The following CNTNAP2 variants were observed in gnomAD, a reference collection of about 807,000 sequenced individuals.
The protein encoded by CNTNAP2 is contactin associated protein 2, also known as contactin-associated protein-like 2.
In CNTNAP2, 98 loss-of-function variants were observed where a neutral mutation model predicts 155.2. The ratio of observed to expected loss-of-function variants is 0.63; its 90% confidence interval spans 0.54 to 0.75. CNTNAP2 has a LOEUF of 0.75. Among genes scored for constraint, CNTNAP2 ranks in the 30% least tolerant of loss-of-function variants. The pLI is 0.00. For missense variants in CNTNAP2, 1,727 were observed against 1,688.1 expected, an observed-to-expected ratio of 1.02 and a Z score of -0.40; for synonymous variants, 651 against 631.2, an observed-to-expected ratio of 1.03 and a Z score of -0.47.
chr7:146,469,526 T>TC (rs1204859918), intron 1 of CNTNAP2, among the ~76,000 whole-genome samples: 5 of 116,526 alleles, frequency 4.3e-5, no homozygotes, highest in Admixed American at 3.8e-4. Context: ...GACTTTTTTT[T>TC]TTTTTTTTTT....
intron 21 of CNTNAP2, among the ~76,000 whole-genome samples, chr7:148,301,919 G>A (rs1313280068): frequency 6.6e-6 from 1 of 152,216 alleles, no homozygotes; most frequent in Non-Finnish European, 1.5e-5. Context: ...CCACAAACTG[G>A]CCCTATAGCC....
In CNTNAP2 at chr7:147,977,978, G is replaced by A. The variant is rs1801459925; in HGVS notation, c.2372G>A (p.Cys791Tyr). 2 of 1,614,042 alleles carry A rather than the reference G, an allele frequency of 1.2e-6. No homozygotes were observed. Among genetic ancestry groups the A allele is most frequent in the Non-Finnish European group, 1.7e-6 (2 of 1,179,978 alleles). Residue 791 changes from cysteine to tyrosine, a missense_variant, in exon 15 of 24, where the codon TGC (cysteine) becomes TAC (tyrosine). By Grantham distance (194) the Cys-to-Tyr change is radical (BLOSUM62 -2). Coordinates refer to ENST00000361727, the MANE Select transcript of CNTNAP2 (RefSeq NM_014141.6). Reference sequence around the variant, plus strand: ...AAATTGAGCGTAGGTCCTCTGCGCTGCCAAGGAGACAGTAAGTTTGCATAG... The same window carrying A: ...AAATTGAGCGTAGGTCCTCTGCGCTACCAAGGAGACAGTAAGTTTGCATAG... ...EAKLSVGPLR[C>Y]QGDRNYWNAA...
intron 14 of CNTNAP2, among the ~76,000 whole-genome samples, chr7:147,953,941 A>G (rs1800978566): frequency 6.6e-6 from 1 of 152,188 alleles, no homozygotes; most frequent in Non-Finnish European, 1.5e-5. Flanking sequence ...TGCAAAGGTC[A>G]TATCGAGAAG....
At position 147,899,833 on chromosome 7, in the gene CNTNAP2, C is replaced by T. The variant is rs184209374; in HGVS notation, c.2099-3732C>T. 1.2e-4 allele frequency among the ~76,000 whole-genome samples: 18 copies of T among 151,552 alleles called. No individual in the cohort carries two copies. The East Asian group carries it at 2.6e-3, about 21-fold the overall frequency. On this transcript the variant is annotated intron_variant, in intron 13 of 23. Transcript: ENST00000361727. ...CTGGGAGGCAGCGGTTACAGTGAGC[C>T]GAGATCGTGCCACTGCACTACTGCA...
intron 13 of CNTNAP2, among the ~76,000 whole-genome samples, chr7:147,700,592 T>C (rs1796222017): frequency 6.6e-6 from 1 of 152,186 alleles, no homozygotes; most frequent in Non-Finnish European, 1.5e-5. Context: ...GTATGAGTGC[T>C]AAATTGAAGA....
chr7:147,197,549 A>G (rs190888744), intron 8 of CNTNAP2, among the ~76,000 whole-genome samples: 1 of 152,140 alleles, frequency 6.6e-6, no homozygotes, highest in Non-Finnish European at 1.5e-5. Context: ...CTCTTGCCGG[A>G]AAAAAGGGGA....
chr7:146,900,125 G>C (rs1795963537), intron 3 of CNTNAP2, among the ~76,000 whole-genome samples: 1 of 152,126 alleles, frequency 6.6e-6, no homozygotes, highest in Non-Finnish European at 1.5e-5. Flanking sequence ...AAGTAGATAA[G>C]TAAAGGCCTA....
chr7:146,940,815 G>T (rs1468582357), intron 3 of CNTNAP2, among the ~76,000 whole-genome samples: 4 of 142,654 alleles, frequency 2.8e-5, no homozygotes, highest in Admixed American at 2.7e-4. Context: ...ATATGTGTGT[G>T]TGTGTATATA....
intron 13 of CNTNAP2, among the ~76,000 whole-genome samples, chr7:147,698,453 C>T (rs187116008): frequency 6.3e-4 from 96 of 152,292 alleles, no homozygotes; most frequent in Non-Finnish European, 1.2e-3. Flanking sequence ...AAAATAATGT[C>T]AGTTACCAAC....
At chr7:148,022,424 G>A (rs111649466) in intron 15 of CNTNAP2, among the ~76,000 whole-genome samples, 54 of 149,214 alleles carry the variant, frequency 3.6e-4, no homozygotes, top group African/African-American at 1.3e-3. Flanking sequence ...AGCCGAGATC[G>A]TGCCACTGCC....
At chr7:146,610,171 G>A (rs1247509393) in intron 1 of CNTNAP2, among the ~76,000 whole-genome samples, 1 of 152,014 alleles carries the variant, frequency 6.6e-6, no homozygotes, top group Non-Finnish European at 1.5e-5. Context: ...GGTGGTACTT[G>A]GTAAATTTAC....
rs936206277 is a variant in CNTNAP2 at position 147,809,144 on chromosome 7, C to T, written c.2099-94421C>T. ...GAGCAGGCAGCTTGCCTTCCTGGGA[C>T]GAACCTAGATGAGGTACAATGTGGC... On this transcript the variant is annotated intron_variant, in intron 13 of 23. Transcript: ENST00000361727. Among the ~76,000 whole-genome samples, 4 of 152,154 alleles carry T rather than the reference C, an allele frequency of 2.6e-5. No individual in the cohort carries two copies. The East Asian group carries it at 5.8e-4, about 22-fold the overall frequency.
intron 21 of CNTNAP2, among the ~76,000 whole-genome samples, chr7:148,364,860 T>C (rs529870199): frequency 7.5e-4 from 114 of 152,278 alleles, no homozygotes; most frequent in African/African-American, 2.6e-3. Flanking sequence ...CTCTTTGCAA[T>C]AAATCTTGCT....
chr7:146,425,386 T>C (rs1308000992), intron 1 of CNTNAP2, among the ~76,000 whole-genome samples: 1 of 152,206 alleles, frequency 6.6e-6, no homozygotes, highest in Non-Finnish European at 1.5e-5. Flanking sequence ...TTTTCCTTTT[T>C]CTTCTCTTAA....
At chr7:146,918,675 C>G (rs1204035301) in intron 3 of CNTNAP2, among the ~76,000 whole-genome samples, 1 of 152,184 alleles carries the variant, frequency 6.6e-6, no homozygotes, top group Non-Finnish European at 1.5e-5. Context: ...GATCCTTTTG[C>G]AATGAATTTC....
chr7:147,563,697 A>T (rs182554176), intron 12 of CNTNAP2, among the ~76,000 whole-genome samples: 53 of 152,326 alleles, frequency 3.5e-4, no homozygotes, highest in Middle Eastern at 3.4e-3. Flanking sequence ...ACTGAATTAT[A>T]TGCAGCCCAT....
At chr7:148,033,525 C>T (rs533373611) in intron 15 of CNTNAP2, among the ~76,000 whole-genome samples, 79 of 152,226 alleles carry the variant, frequency 5.2e-4, no homozygotes, top group Middle Eastern at 3.4e-3. Context: ...CACTGTGTCC[C>T]TGTGTTCTCA....
chr7:147,574,294 C>G (rs1369994721), intron 12 of CNTNAP2, among the ~76,000 whole-genome samples: 1 of 151,408 alleles, frequency 6.6e-6, no homozygotes, highest in African/African-American at 2.4e-5. Context: ...TCATTTTTTT[C>G]TGACCTTCAC....
intron 13 of CNTNAP2, among the ~76,000 whole-genome samples, chr7:147,790,672 C>T (rs1797806697): frequency 6.6e-6 from 1 of 152,244 alleles, no homozygotes. Flanking sequence ...TATTCGCCAT[C>T]ATTTCTCTAC....
Sources: allele counts gnomAD v4.1 joint callset (sites outside exome capture counted in the v4.1 genomes callset), GRCh38; gene constraint gnomAD v4.1.1; transcripts MANE v1.5; gene names NCBI Gene and HGNC (gene_info 2026-07-23, HGNC 2026-07-21).